Variants in LRMDA observed in about 807,000 individuals in gnomAD.
The protein encoded by LRMDA is leucine-rich melanocyte differentiation-associated protein.
Under a neutral mutation model 29.8 loss-of-function variants are expected in LRMDA, and 18 were observed. The ratio of observed to expected loss-of-function variants is 0.60; its 90% CI spans 0.42 to 0.90. LRMDA has a LOEUF of 0.90. LRMDA is among the 40% of genes least tolerant of loss of function. The pLI is 0.00. For missense variants in LRMDA, 273 were observed against 273.9 expected, an observed-to-expected ratio of 1.00 and a Z score of 0.02; for synonymous variants, 125 against 109.4, an observed-to-expected ratio of 1.14 and a Z score of -0.89.
intron 2 of LRMDA, among the ~76,000 whole-genome samples, chr10:75,647,181 G>A (rs564326701): frequency 2.0e-5 from 3 of 152,270 alleles, no homozygotes; most frequent in South Asian, 2.1e-4. Context: ...GCAACAAGTC[G>A]TAGGAAGTGC....
At chr10:75,569,068 T>C (rs966860845) in intron 2 of LRMDA, among the ~76,000 whole-genome samples, 1 of 152,194 alleles carries the variant, frequency 6.6e-6, no homozygotes, top group Non-Finnish European at 1.5e-5. Context: ...CTTGGATTAA[T>C]GTTGGCATTA....
intron 2 of LRMDA, among the ~76,000 whole-genome samples, chr10:75,469,837 A>G (rs1328638892): frequency 1.3e-5 from 2 of 152,200 alleles, no homozygotes; most frequent in Non-Finnish European, 2.9e-5. Context: ...TAGGAACCAT[A>G]GTAACTGTGC....
chr10:75,907,194 C>T (rs989374664), intron 2 of LRMDA, among the ~76,000 whole-genome samples: 3 of 151,992 alleles, frequency 2.0e-5, no homozygotes, highest in Non-Finnish European at 4.4e-5. Context: ...GGGAAATTAA[C>T]TATGAAATAC....
intron 5 of LRMDA, among the ~76,000 whole-genome samples, chr10:76,165,673 A>C (rs556612133): frequency 9.3e-4 from 141 of 152,334 alleles, no homozygotes; most frequent in African/African-American, 3.2e-3. Flanking sequence ...CCTTCTTCAC[A>C]TGGCAGCAGG....
intron 5 of LRMDA, among the ~76,000 whole-genome samples, chr10:76,268,241 C>T (rs924957059): frequency 2.0e-5 from 3 of 152,186 alleles, no homozygotes; most frequent in Non-Finnish European, 4.4e-5. Context: ...AAAACTGCTT[C>T]TAATCAGCTG....
At position 75,620,856 on chromosome 10, in the gene LRMDA, A is replaced by G. The variant is rs1485835685; in HGVS notation, c.131+182362A>G. On this transcript the variant is annotated intron_variant, in intron 2 of 6. Transcript: ENST00000611255. ...TTTAATTTTTAACTTTTTTATTTCA[A>G]TAGGTTTTTGGCCAACAGGTGGTGT... Among the ~76,000 whole-genome samples the G allele has an allele frequency of 3.9e-5, 6 of 151,946 alleles. No individual in the cohort carries two copies. The East Asian group carries it at 1.2e-3, about 29-fold the overall frequency.
chr10:75,569,544 A>T (rs186464238), intron 2 of LRMDA, among the ~76,000 whole-genome samples: 5 of 152,356 alleles, frequency 3.3e-5, no homozygotes, highest in Admixed American at 3.3e-4. Flanking sequence ...AAAAACCCAG[A>T]TATAAAATTT....
At chr10:75,905,102 G>A (rs1444753695) in intron 2 of LRMDA, among the ~76,000 whole-genome samples, 1 of 152,200 alleles carries the variant, frequency 6.6e-6, no homozygotes. Context: ...GTAGCCTTCA[G>A]TTGTAAATTC....
At chr10:75,514,912 C>T (rs377757958) in intron 2 of LRMDA, among the ~76,000 whole-genome samples, 6 of 152,050 alleles carry the variant, frequency 3.9e-5, no homozygotes, top group East Asian at 1.9e-4. Flanking sequence ...AAAGGAGTCT[C>T]GGTGAAGGTG....
intron 5 of LRMDA, among the ~76,000 whole-genome samples, chr10:76,061,528 TA>T (rs1307973738): frequency 4.6e-5 from 7 of 152,140 alleles, no homozygotes; most frequent in Non-Finnish European, 8.8e-5. Context: ...AACAAAAGTT[TA>T]AAAAAATACC....
chr10:75,682,036 T>A (rs1430892277), intron 2 of LRMDA, among the ~76,000 whole-genome samples: 1 of 152,210 alleles, frequency 6.6e-6, no homozygotes, highest in Non-Finnish European at 1.5e-5. Context: ...TGCTTTCAGC[T>A]TTCTTGTGAC....
intron 2 of LRMDA, among the ~76,000 whole-genome samples, chr10:75,899,574 G>C (rs562671308): frequency 6.6e-6 from 1 of 152,176 alleles, no homozygotes; most frequent in Non-Finnish European, 1.5e-5. Context: ...GCCAGAATGC[G>C]GGGCCTGTGA....
At chr10:75,648,461 G>T (rs1388222065) in intron 2 of LRMDA, among the ~76,000 whole-genome samples, 1 of 152,164 alleles carries the variant, frequency 6.6e-6, no homozygotes. Flanking sequence ...AGACTGTGCA[G>T]GGGGCTCTTA....
At chr10:76,280,936 T>G (rs1255484272) in intron 5 of LRMDA, among the ~76,000 whole-genome samples, 3 of 152,172 alleles carry the variant, frequency 2.0e-5, no homozygotes, top group Non-Finnish European at 4.4e-5. Context: ...TGTGGCCTTA[T>G]TGATATACAG....
chr10:75,611,980 C>T (rs1335630981), intron 2 of LRMDA, among the ~76,000 whole-genome samples: 1 of 152,160 alleles, frequency 6.6e-6, no homozygotes, highest in Admixed American at 6.5e-5. Context: ...CCTCTGCTGC[C>T]TTAAGGTTCA....
chr10:75,956,051 G>T (rs946632579), intron 2 of LRMDA, among the ~76,000 whole-genome samples: 1 of 152,142 alleles, frequency 6.6e-6, no homozygotes, highest in Non-Finnish European at 1.5e-5. Flanking sequence ...TAGATAAGTG[G>T]TTCTAGCTCA....
chr10:76,538,149 A>G (rs1843310454), intron 6 of LRMDA, among the ~76,000 whole-genome samples: 1 of 152,036 alleles, frequency 6.6e-6, no homozygotes, highest in Non-Finnish European at 1.5e-5. Flanking sequence ...TAGGGTTCAC[A>G]TTTTCCATCC....
intron 5 of LRMDA, among the ~76,000 whole-genome samples, chr10:76,277,617 A>G (rs1194752797): frequency 6.6e-6 from 1 of 151,548 alleles, no homozygotes; most frequent in Non-Finnish European, 1.5e-5. Context: ...GTTAGTCTGA[A>G]TTTTTTGCTG....
chr10:75,918,642 C>G (rs1189983417), intron 2 of LRMDA, among the ~76,000 whole-genome samples: 1 of 152,164 alleles, frequency 6.6e-6, no homozygotes, highest in African/African-American at 2.4e-5. Flanking sequence ...GACACATATC[C>G]AAACTATATC....
Sources: allele counts gnomAD v4.1 joint callset (sites outside exome capture counted in the v4.1 genomes callset), GRCh38; gene constraint gnomAD v4.1.1; transcripts MANE v1.5; gene names NCBI Gene and HGNC (gene_info 2026-07-23, HGNC 2026-07-21).